CLCN6: variants seen among roughly 807,000 people sequenced by gnomAD.
CLCN6 encodes H(+)/Cl(-) exchange transporter 6.
CLCN6 carries 70 observed loss-of-function variants against 109.8 expected under a neutral mutation model. The ratio of observed to expected loss-of-function variants is 0.64; its 90% CI spans 0.53 to 0.78. The LOEUF (loss-of-function observed/expected upper bound fraction) is 0.78, where lower values mean the gene tolerates loss of function less well. Ranked by LOEUF, CLCN6 falls within the 30% of genes least tolerant of loss-of-function variation. The pLI is 0.00. For missense variants in CLCN6, 984 were observed against 1,142.3 expected (o/e 0.86, Z 2.00); for synonymous variants, 444 against 447.8 (o/e 0.99, Z 0.11).
At chr1:11,814,443 T>C (rs1251322394) in intron 2 of CLCN6, among the ~76,000 whole-genome samples, 1 of 151,980 alleles carries the variant, frequency 6.6e-6, no homozygotes, top group African/African-American at 2.4e-5. Flanking sequence ...AGATGGGGTT[T>C]CACCATCTTG....
chr1:11,826,636 A>G (rs947031259), intron 9 of CLCN6, among the ~76,000 whole-genome samples: 8 of 152,220 alleles, frequency 5.3e-5, no homozygotes, highest in African/African-American at 1.7e-4. Context: ...GGCTCTTTCA[A>G]TCAGAGACTC....
intron 2 of CLCN6, among the ~76,000 whole-genome samples, chr1:11,810,278 C>T (rs2100603730): frequency 6.6e-6 from 1 of 152,298 alleles, no homozygotes; most frequent in East Asian, 1.9e-4. Context: ...CATCCATTCT[C>T]ATTATAGGTG....
chr1:11,809,775 A>G (rs1299542595), intron 2 of CLCN6, among the ~76,000 whole-genome samples: 4 of 152,304 alleles, frequency 2.6e-5, no homozygotes, highest in Admixed American at 1.3e-4. Flanking sequence ...TGTACATTTC[A>G]TGGGTTAATG....
Position 11,836,030 on chromosome 1 carries a change from G to C in CLCN6, c.1857G>C (p.Gln619His). 2 of 1,613,984 alleles carry C rather than the reference G, an allele frequency of 1.2e-6. No individual in the cohort carries two copies. The highest frequency in any genetic ancestry group is 1.7e-6 in the Non-Finnish European group (2 of 1,180,000). ...LTYVYPHTRI[Q>H]SLVSILRTTV... Reference sequence around the variant, plus strand: ...ACGTCTACCCGCACACCCGCATCCAGTCTCTGGTGAGCATCCTGCGCACCA... The same window carrying C: ...ACGTCTACCCGCACACCCGCATCCACTCTCTGGTGAGCATCCTGCGCACCA... Residue 619 changes from glutamine (Q) to histidine (H), a missense_variant, in exon 18 of 23, where the codon CAG becomes CAC. Gln to His is a conservative substitution (Grantham distance 24). Transcript: ENST00000346436.
intron 13 of CLCN6, among the ~76,000 whole-genome samples, chr1:11,831,188 ACT>A (rs1644880057): frequency 6.7e-6 from 1 of 149,108 alleles, no homozygotes; most frequent in South Asian, 2.1e-4. Context: ...GCAAAGTCTC[ACT>A]CTGTTGCCCA....
intron 3 of CLCN6, 103 bp from the exon 4 acceptor site, chr1:11,816,512 T>C (rs1570519791): frequency 1.0e-6 from 1 of 994,788 alleles, no homozygotes; most frequent in Admixed American, 2.1e-5. Context: ...CTGTGCCTGC[T>C]CTCCACGTGG....
At position 11,834,348 on chromosome 1, in the gene CLCN6, T is replaced by G. The variant is rs1469389260; in HGVS notation, c.1639T>G (p.Ser547Ala). 1 of 1,613,832 alleles carries G rather than the reference T, an allele frequency of 6.2e-7. No individual in the cohort carries two copies. The highest frequency in any genetic ancestry group is 8.5e-7 in the Non-Finnish European group (1 of 1,180,000). ...CAGCCTCACGGTCATCCTGATCGAG[T>G]CCACCAATGAGATCACCTACGGGCT... ...TISLTVILIE[S>A]TNEITYGLPI... The change falls in exon 16 of 23, where the codon TCC becomes GCC. Residue 547 changes from serine (S) to alanine (A), a missense_variant. Transcript: ENST00000346436. The surrounding 1 kb of genome is among the most constrained non-coding windows in gnomAD (Gnocchi z 4.5).
intron 2 of CLCN6, among the ~76,000 whole-genome samples, chr1:11,814,943 G>T (rs1388769175): frequency 6.6e-6 from 1 of 151,374 alleles, no homozygotes; most frequent in Non-Finnish European, 1.5e-5. Flanking sequence ...TGAGGCAGGA[G>T]AATGGTGTGA....
intron 2 of CLCN6, among the ~76,000 whole-genome samples, chr1:11,812,725 A>AG (rs1644617854): frequency 6.8e-6 from 1 of 147,002 alleles, no homozygotes; most frequent in African/African-American, 2.5e-5. Context: ...GTTGGGGCTC[A>AG]GAAAATGATA....
chr1:11,822,815 G>T lies in CLCN6; in HGVS notation c.453+14G>T. ...GTTCTCATTGAGGTGAGGTGGTTTG[G>T]ATTCACCTGCTCGCTTAGGAGGTTT... On this transcript the variant is annotated intron_variant, in intron 6 of 22. Transcript: ENST00000346436. 6.5e-7 allele frequency: 1 copy of T among 1,542,280 alleles called. No individual in the cohort carries two copies. Among genetic ancestry groups the T allele is most frequent in the Non-Finnish European group, 9.0e-7 (1 of 1,114,614 alleles).
chr1:11,811,097 C>T (rs1443992811), intron 2 of CLCN6, among the ~76,000 whole-genome samples: 3 of 151,876 alleles, frequency 2.0e-5, no homozygotes. Context: ...TGTGGTCCCC[C>T]CTACTCAGGA....
Position 11,818,493 on chromosome 1 carries a change from C to G in CLCN6, c.280-995C>G, listed in dbSNP as rs369212264. Among the ~76,000 whole-genome samples, 110 of 152,320 alleles carry G rather than the reference C, an allele frequency of 7.2e-4. 1 individual carries two copies. In the East Asian group the frequency reaches 0.018, roughly 25 times the overall value. Reference sequence around the variant, plus strand: ...CAGATAAGTGTTACTCAAGCTGAAGCAACTTTACCTCCTACCTTTGTATTT... The same window carrying G: ...CAGATAAGTGTTACTCAAGCTGAAGGAACTTTACCTCCTACCTTTGTATTT... On this transcript the variant is annotated intron_variant, in intron 4 of 22. Transcript: ENST00000346436.
chr1:11,817,479 A>G (rs1177183348), intron 4 of CLCN6, among the ~76,000 whole-genome samples: 1 of 152,242 alleles, frequency 6.6e-6, no homozygotes, highest in Non-Finnish European at 1.5e-5. Flanking sequence ...TGGTGGAGGC[A>G]GCAACTTCAC....
In CLCN6 at chr1:11,827,211, C is replaced by T. The variant is rs778956530; in HGVS notation, c.830C>T (p.Thr277Met). ...EGSSFWNQGL[T>M]WKVLFCSMSA... ...TCGTCCTTCTGGAACCAAGGGCTCACGTGGAAAGTGGTGAGGAGGACCTTC... is the reference window on the plus strand; with the variant it reads ...TCGTCCTTCTGGAACCAAGGGCTCATGTGGAAAGTGGTGAGGAGGACCTTC... Residue 277 changes from threonine (T) to methionine (M), a missense_variant, in exon 10 of 23, where the codon ACG becomes ATG. Coordinates refer to ENST00000346436, the MANE Select transcript of CLCN6 (RefSeq NM_001286.5). 6.2e-6 allele frequency: 10 copies of T among 1,611,804 alleles called. No individual in the cohort carries two copies. The highest frequency in any genetic ancestry group is 8.5e-6 in the Non-Finnish European group (10 of 1,178,736).
chr1:11,823,149 C>G (rs896224232), intron 6 of CLCN6, among the ~76,000 whole-genome samples: 2 of 152,220 alleles, frequency 1.3e-5, no homozygotes, highest in Non-Finnish European at 2.9e-5. Flanking sequence ...CCTGTACATG[C>G]AATCCCTGAA....
intron 22 of CLCN6, among the ~76,000 whole-genome samples, chr1:11,839,375 C>T (rs1359154479): frequency 6.6e-6 from 1 of 152,196 alleles, no homozygotes; most frequent in Non-Finnish European, 1.5e-5. Flanking sequence ...AGTCCTCCCA[C>T]CTCAGCCTCC....
chr1:11,820,504 C>T (rs1387285295), intron 5 of CLCN6: 7 of 603,378 alleles, frequency 1.2e-5, no homozygotes, highest in Non-Finnish European at 2.1e-5. Context: ...CAGTGGCTCA[C>T]GCCTGTAATC....
intron 22 of CLCN6, 112 bp downstream of exon 22, chr1:11,838,772 G>GGCT: frequency 2.7e-6 from 4 of 1,492,430 alleles, no homozygotes; most frequent in Non-Finnish European, 3.7e-6. Context: ...CAGGAGGGGA[G>GGCT]AGTGTGGCCC....
intron 18 of CLCN6, 143 bp from the exon 19 acceptor site, chr1:11,836,856 C>T: frequency 1.1e-6 from 1 of 883,512 alleles, no homozygotes; most frequent in South Asian, 1.7e-5. Flanking sequence ...CCAGCCTGAG[C>T]CACTCTTTTG....
Sources: gnomAD v4.1 joint callset for allele counts (sites outside exome capture counted in the v4.1 genomes callset) on GRCh38, gnomAD v4.1.1 for gene constraint, Gnocchi (gnomAD v3.1) non-coding constraint, MANE v1.5 for transcripts, NCBI Gene and HGNC (gene_info 2026-07-23, HGNC 2026-07-21) for gene names.